Variants in HMG20A observed in about 807,000 individuals in gnomAD.
The protein encoded by HMG20A is high mobility group 20A, also known as high mobility group protein 20A.
HMG20A carries 17 observed loss-of-function variants against 43.9 expected under a neutral mutation model. The ratio of observed to expected loss-of-function variants is 0.39; its 90% CI spans 0.27 to 0.58. HMG20A has a LOEUF of 0.58. HMG20A is among the 20% of genes least tolerant of loss of function. HMG20A has a pLI of 0.59. For missense variants in HMG20A, 341 were observed against 438.2 expected (o/e 0.78, Z 1.98); for synonymous variants, 132 against 147.5 (o/e 0.89, Z 0.76).
chr15:77,463,383 C>A (rs2072723684), intron 2 of HMG20A, among the ~76,000 whole-genome samples: 1 of 152,152 alleles, frequency 6.6e-6, no homozygotes, highest in African/African-American at 2.4e-5. Context: ...CCCTATAATA[C>A]TATGGGTTGT....
rs1567410383 is a variant in HMG20A, at chr15:77,485,272, G to A, written c.*2309G>A. 1 of 152,630 alleles carries A rather than the reference G, an allele frequency of 6.6e-6. No homozygotes were observed. Among genetic ancestry groups the A allele is most frequent in the Non-Finnish European group, 1.5e-5 (1 of 68,050 alleles). The allele number at this position is 152,630 out of a possible 1,614,324, so 9.5% of individuals were successfully genotyped here. On this transcript the variant is annotated 3_prime_UTR_variant, in exon 10 of 10. Transcript: ENST00000336216. ...TGAGGAGGCAGTAAATGAAGTTACAGGCTAGCACAATACCTAACTCATGTT... is the reference window on the plus strand; with the variant it reads ...TGAGGAGGCAGTAAATGAAGTTACAAGCTAGCACAATACCTAACTCATGTT...
chr15:77,429,103 G>T (rs1595910549), intron 1 of HMG20A, among the ~76,000 whole-genome samples: 1 of 152,164 alleles, frequency 6.6e-6, no homozygotes, highest in African/African-American at 2.4e-5. Context: ...AACACTTTGG[G>T]AGGCTGAGAC....
intron 1 of HMG20A, among the ~76,000 whole-genome samples, chr15:77,424,483 T>G (rs2073404698): frequency 6.6e-6 from 1 of 152,172 alleles, no homozygotes. Context: ...GGTTGTTTGG[T>G]GGAATCAGAA....
chr15:77,488,146 A>T (rs1023054814), downstream of HMG20A, among the ~76,000 whole-genome samples: 1 of 152,190 alleles, frequency 6.6e-6, no homozygotes, highest in African/African-American at 2.4e-5. Flanking sequence ...CACCTGCAAC[A>T]CCAGATCAGT....
chr15:77,473,396 C>T (rs2072827834), intron 6 of HMG20A, among the ~76,000 whole-genome samples: 1 of 152,180 alleles, frequency 6.6e-6, no homozygotes, highest in Non-Finnish European at 1.5e-5. Context: ...CTATCAATAT[C>T]ATGAAATTCC....
In HMG20A at chr15:77,484,507, C is replaced by T. The variant is rs533018580; in HGVS notation, c.*1544C>T. On this transcript the variant is annotated 3_prime_UTR_variant, in exon 10 of 10. Transcript: ENST00000336216. ...CCATAAGTCAGGGCATAGGGCAGAA[C>T]TACCTGTCATGTTGCTACACCATCC... The T allele has an allele frequency of 5.9e-5, 9 of 152,598 alleles. No individual in the cohort carries two copies. The highest frequency in any genetic ancestry group is 7.4e-5 in the Non-Finnish European group (5 of 68,018). The allele number at this position is 152,598 out of a possible 1,614,324, so 9.5% of individuals were successfully genotyped here. A position where few individuals can be genotyped will look rare whatever the true frequency, so the allele number is the denominator to read the frequency against.
chr15:77,507,628 G>A, the HMG20A span, among the ~76,000 whole-genome samples: 1 of 152,226 alleles, frequency 6.6e-6, no homozygotes, highest in East Asian at 1.9e-4. Flanking sequence ...TCATACTCCA[G>A]GGAGCTGTGG....
rs143879154 is a variant in HMG20A, at chr15:77,448,188, T to G, written c.-4-10216T>G. On this transcript the variant is annotated intron_variant, in intron 1 of 9. Coordinates refer to ENST00000336216, the MANE Select transcript of HMG20A (RefSeq NM_001304504.2). ...CAAATGATTTCCTTACTTTCCCTTT[T>G]CCCTCTCCACCTTCATTCAGTCTGT... Among the ~76,000 whole-genome samples, 780 of 152,304 alleles carry G rather than the reference T, an allele frequency of 5.1e-3. 5 individuals are homozygous for G. The highest frequency in any genetic ancestry group is 0.017 in the African/African-American group (727 of 41,564).
chr15:77,492,738 G>A, the HMG20A span, among the ~76,000 whole-genome samples: 2 of 152,114 alleles, frequency 1.3e-5, no homozygotes, highest in Non-Finnish European at 2.9e-5. Context: ...TGGAGCCCGG[G>A]AAGTCGTGGC....
chr15:77,468,270 G>A (rs1465009948), intron 4 of HMG20A, among the ~76,000 whole-genome samples: 1 of 151,818 alleles, frequency 6.6e-6, no homozygotes. Flanking sequence ...ATTAATATGT[G>A]CTCATTATTC....
At chr15:77,459,647 G>A (rs1273182414) in intron 2 of HMG20A, among the ~76,000 whole-genome samples, 4 of 152,168 alleles carry the variant, frequency 2.6e-5, no homozygotes, top group African/African-American at 7.2e-5. Flanking sequence ...TAGACAGAGG[G>A]AGCAGTAGGT....
intron 1 of HMG20A, among the ~76,000 whole-genome samples, chr15:77,447,423 A>T (rs933845137): frequency 6.6e-6 from 1 of 152,206 alleles, no homozygotes; most frequent in Non-Finnish European, 1.5e-5. Flanking sequence ...TTTTCTTCAC[A>T]ACACATTTTC....
In HMG20A at chr15:77,445,228, C is replaced by G. The variant is rs200945009; in HGVS notation, c.-4-13176C>G. 3.3e-5 allele frequency among the ~76,000 whole-genome samples: 5 copies of G among 152,320 alleles called. No homozygotes were observed. The East Asian group carries it at 9.6e-4, about 29-fold the overall frequency. Reference sequence around the variant, plus strand: ...AAGGAAGAAACATTCTTTCTACCTCCTCTCTTCAGCGTTGTCTCACAGCTG... The same window carrying G: ...AAGGAAGAAACATTCTTTCTACCTCGTCTCTTCAGCGTTGTCTCACAGCTG... On this transcript the variant is annotated intron_variant, in intron 1 of 9. Coordinates refer to ENST00000336216, the MANE Select transcript of HMG20A (RefSeq NM_001304504.2).
At chr15:77,473,375 T>C (rs577080817) in intron 6 of HMG20A, among the ~76,000 whole-genome samples, 25 of 152,360 alleles carry the variant, frequency 1.6e-4, no homozygotes, top group African/African-American at 5.3e-4. Flanking sequence ...TTTCTTTGCC[T>C]GTGTGCCCAG....
At position 77,483,161 on chromosome 15, in the gene HMG20A, T is replaced by C. The variant is rs148740618; in HGVS notation, c.*198T>C. 1 of 152,304 alleles carries C rather than the reference T, an allele frequency of 6.6e-6. No homozygotes were observed. Among genetic ancestry groups the C allele is most frequent in the Non-Finnish European group, 1.5e-5 (1 of 68,014 alleles). 9.4% of individuals were successfully genotyped at this position (152,304 alleles called of 1,614,324 possible). A position where few individuals can be genotyped will look rare whatever the true frequency, so the allele number is the denominator to read the frequency against. On this transcript the variant is annotated 3_prime_UTR_variant, in exon 10 of 10. Transcript: ENST00000336216. ...AGCAGCAACATGTATATGAGCTTCC[T>C]ATGGAATTGTCCTTATGTGAAGCTT... is the stretch of plus-strand genomic sequence containing the variant.
chr15:77,462,772 C>CTTTTTTTTTTTTTTTTTTTTTTTTTTTT (rs71145836), intron 2 of HMG20A, among the ~76,000 whole-genome samples: 3 of 127,786 alleles, frequency 2.3e-5, no homozygotes, highest in Non-Finnish European at 3.3e-5. Flanking sequence ...TTTTCTTTTT[C>CTTTTTTTTTTTTTTTTTTTTTTTTTTTT]TTTTTTTTTT....
chr15:77,436,298 G>C (rs567113663), intron 1 of HMG20A, among the ~76,000 whole-genome samples: 122 of 152,192 alleles, frequency 8.0e-4, no homozygotes, highest in Middle Eastern at 6.8e-3. Flanking sequence ...ACCACTGCAA[G>C]ATTCTATTGA....
At chr15:77,496,217 T>C in the HMG20A span, among the ~76,000 whole-genome samples, 1 of 152,208 alleles carries the variant, frequency 6.6e-6, no homozygotes, top group Non-Finnish European at 1.5e-5. Context: ...TTCTTGGATA[T>C]AAATATTGAT....
intron 6 of HMG20A, 24 bp from the exon 7 acceptor site, chr15:77,477,531 T>G: frequency 6.6e-7 from 1 of 1,522,494 alleles, no homozygotes; most frequent in Non-Finnish European, 9.1e-7. Context: ...AAGAATTAAC[T>G]GTTTTGTTCC....
Sources: allele counts gnomAD v4.1 joint callset (sites outside exome capture counted in the v4.1 genomes callset), GRCh38; gene constraint gnomAD v4.1.1; transcripts MANE v1.5; gene names NCBI Gene and HGNC (gene_info 2026-07-23, HGNC 2026-07-21).